PLEKHM2: variants seen among roughly 807,000 people sequenced by gnomAD.
PLEKHM2 encodes pleckstrin homology domain-containing family M member 2.
Under a neutral mutation model 116.3 loss-of-function variants are expected in PLEKHM2, and 77 were observed. The observed-to-expected ratio is 0.66, with a 90% CI of 0.55 to 0.80. PLEKHM2 has a LOEUF of 0.80. Among genes scored for constraint, PLEKHM2 ranks in the 30% least tolerant of loss-of-function variants. The probability of loss-of-function intolerance (pLI) is 0.00; values close to 1 mark genes in which losing one functional copy is unlikely to be tolerated. For synonymous variants in PLEKHM2, 562 were observed against 571.0 expected, an observed-to-expected ratio of 0.98 and a Z score of 0.22; for missense variants, 1,183 against 1,354.9, an observed-to-expected ratio of 0.87 and a Z score of 1.99.
rs766169429 is a variant in PLEKHM2 at position 15,720,149 on chromosome 1, T to TATATAA, written c.652+230_652+231insTATAAA. The stretch of plus-strand genomic sequence containing the variant: ...GAAATTATATATATATATATATATA[T>TATATAA]AAAATATATATTTTTTAAGGTTAGA... On this transcript the variant is annotated intron_variant, in intron 6 of 19. Transcript: ENST00000375799. 4.8e-3 allele frequency among the ~76,000 whole-genome samples: 575 copies of TATATAA among 118,648 alleles called. 1 individual carries two copies. Among genetic ancestry groups the TATATAA allele is most frequent in the Middle Eastern group, 0.012 (3 of 258 alleles). The allele number at this position is 118,648 out of a possible 152,430, so 77.8% of individuals were successfully genotyped here.
intron 1 of PLEKHM2, among the ~76,000 whole-genome samples, chr1:15,710,602 C>G (rs1425937057): frequency 6.6e-6 from 1 of 151,992 alleles, no homozygotes; most frequent in Non-Finnish European, 1.5e-5. Flanking sequence ...GCTGGGATTA[C>G]AGGCGTAAGC....
intron 1 of PLEKHM2, among the ~76,000 whole-genome samples, chr1:15,686,825 ATT>A (rs1640782005): frequency 6.6e-6 from 1 of 151,694 alleles, no homozygotes; most frequent in East Asian, 1.9e-4. Context: ...ATTTTTTTGT[ATT>A]TTTAGTAGAG....
intron 1 of PLEKHM2, among the ~76,000 whole-genome samples, chr1:15,685,994 T>C (rs1003648985): frequency 6.6e-6 from 1 of 152,218 alleles, no homozygotes; most frequent in African/African-American, 2.4e-5. Context: ...TAATCTAATC[T>C]GGGCTGATTG....
intron 1 of PLEKHM2, among the ~76,000 whole-genome samples, chr1:15,687,077 C>T (rs1418409056): frequency 1.3e-5 from 2 of 151,398 alleles, no homozygotes; most frequent in Admixed American, 6.6e-5. Flanking sequence ...CATGAGCCAC[C>T]GTGCCCGACT....
Position 15,728,903 on chromosome 1 carries a change from C to G in PLEKHM2, c.1986+170C>G, listed in dbSNP as rs1000118439. On this transcript the variant is annotated intron_variant, in intron 12 of 19. Transcript: ENST00000375799. The surrounding 1 kb of genome is among the most constrained non-coding windows in gnomAD (Gnocchi z 5.9). ...CACGATGCTGGGGGTAAGAACCAAG[C>G]TTGAGGTTGCCTCTTCCCGTGCTAG... Among the ~76,000 whole-genome samples, 13 of 152,208 alleles carry G rather than the reference C, an allele frequency of 8.5e-5. No homozygotes were observed. Among genetic ancestry groups the G allele is most frequent in the Non-Finnish European group, 1.8e-4 (12 of 68,030 alleles).
At chr1:15,705,726 CG>C (rs2148346277) in intron 1 of PLEKHM2, among the ~76,000 whole-genome samples, 2 of 152,302 alleles carry the variant, frequency 1.3e-5, no homozygotes, top group East Asian at 3.9e-4. Flanking sequence ...TTCCCATTGT[CG>C]GGGCTGCTAG....
chr1:15,683,919 G>A (rs1196199898), upstream of PLEKHM2, among the ~76,000 whole-genome samples: 1 of 149,734 alleles, frequency 6.7e-6, no homozygotes, highest in Non-Finnish European at 1.5e-5. Context: ...GGGCTGACGA[G>A]GCCTGGGGGA....
rs1449327917 is a variant in PLEKHM2 at position 15,725,361 on chromosome 1, T to C, written c.757T>C (p.Ser253Pro). Residue 253 changes from serine to proline, a missense_variant, in exon 8 of 20, where the codon TCC (serine) becomes CCC (proline). Physicochemically the swap from Ser to Pro is moderately conservative, Grantham distance 74 (BLOSUM62 -1). Transcript: ENST00000375799. ...GGTCAGTGGTCCCCGCTCCACAGCC[T>C]CCGACCTGACCAGCAGCAAGGCCTC... ...DTVSGPRSTA[S>P]DLTSSKASTR... The C allele has an allele frequency of 1.3e-6, 2 of 1,551,344 alleles. No homozygotes were observed. The highest frequency in any genetic ancestry group is 1.7e-6 in the Non-Finnish European group (2 of 1,147,052).
At chr1:15,703,299 G>C (rs554732509) in intron 1 of PLEKHM2, among the ~76,000 whole-genome samples, 12 of 152,302 alleles carry the variant, frequency 7.9e-5, no homozygotes, top group Non-Finnish European at 1.6e-4. Flanking sequence ...GCCCCACAGT[G>C]GCCAGGCAGT....
chr1:15,718,742 G>T, intron 5 of PLEKHM2, 117 bp downstream of exon 5: 1 of 668,548 alleles, frequency 1.5e-6, no homozygotes, highest in Non-Finnish European at 2.7e-6. Context: ...GAGTATGACT[G>T]GGCTTGAGCA....
intron 1 of PLEKHM2, among the ~76,000 whole-genome samples, chr1:15,686,671 C>A (rs983137442): frequency 8.1e-5 from 9 of 110,938 alleles, no homozygotes; most frequent in Non-Finnish European, 1.8e-5. Flanking sequence ...TTTTTTGAGA[C>A]GGAGTCTCGC....
At position 15,716,263 on chromosome 1, in the gene PLEKHM2, G is replaced by A. The variant is rs778771137; in HGVS notation, c.87G>A (p.Glu29=). Residue 29 remains glutamate, a synonymous_variant, in exon 2 of 20, where the codon GAG becomes GAA. Coordinates refer to ENST00000375799, the MANE Select transcript of PLEKHM2 (RefSeq NM_015164.4). ...TGCAGAGCTATTTTGCTGCATGTGA[G>A]GATGAGATCCCTGCCATCCGGAACC... The part of the protein sequence containing the change: ...KKLQSYFAAC[E]DEIPAIRNHD... The A allele has an allele frequency of 3.7e-6, 6 of 1,602,268 alleles. No homozygotes were observed. In the African/African-American group the frequency reaches 8.0e-5, roughly 21 times the overall value.
In PLEKHM2 at chr1:15,731,268, C is replaced by T. The variant is rs751828717; in HGVS notation, c.2465+11C>T. The T allele has an allele frequency of 9.6e-6, 15 of 1,564,440 alleles. No homozygotes were observed. Among genetic ancestry groups the T allele is most frequent in the East Asian group, 4.7e-5 (2 of 42,438 alleles). On this transcript the variant is annotated intron_variant, in intron 16 of 19. Coordinates refer to ENST00000375799, the MANE Select transcript of PLEKHM2 (RefSeq NM_015164.4). Reference sequence around the variant, plus strand: ...CTCGGTGAACATGGGGTAAGTGTCCCGGGAGAAGCGGGTGTATCCTGGGGC... The same window carrying T: ...CTCGGTGAACATGGGGTAAGTGTCCTGGGAGAAGCGGGTGTATCCTGGGGC...
chr1:15,725,515 C>G lies in PLEKHM2; in HGVS notation c.911C>G (p.Pro304Arg). Residue 304 changes from proline (P) to arginine (R), a missense_variant, in exon 8 of 20, where the codon CCG becomes CGG. By Grantham distance (103) the Pro-to-Arg change is moderately radical. Coordinates refer to ENST00000375799, the MANE Select transcript of PLEKHM2 (RefSeq NM_015164.4). ...GAGGAGGCCCAGGCCCTGGACCCGC[C>G]GGATGCCTGCACGGAGCTCGAGGTC... is the stretch of plus-strand genomic sequence containing the variant. The part of the protein sequence containing the change: ...EKEEAQALDP[P>R]DACTELEVIR... 1 of 1,573,630 alleles carries G rather than the reference C, an allele frequency of 6.4e-7. No individual in the cohort carries two copies. The highest frequency in any genetic ancestry group is 8.6e-7 in the Non-Finnish European group (1 of 1,160,562).
chr1:15,710,452 C>T (rs1194521177), intron 1 of PLEKHM2, among the ~76,000 whole-genome samples: 3 of 151,068 alleles, frequency 2.0e-5, no homozygotes, highest in Non-Finnish European at 4.4e-5. Flanking sequence ...CTCAGCCTCC[C>T]GAGTAGCTGG....
Position 15,732,707 on chromosome 1 carries a change from T to C in PLEKHM2, c.2901T>C (p.Ser967=). ...ACCGATTGCTGTCTGCACTGAACTC[T>C]GGGTGGAAAACCATCTATCAGGTAC... ...ELDRLLSALN[S]GWKTIYQVDL... The change falls in exon 19 of 20, where the codon TCT becomes TCC. Residue 967 remains serine (S), a synonymous_variant. Transcript: ENST00000375799. 6.2e-7 allele frequency: 1 copy of C among 1,609,072 alleles called. No homozygotes were observed. The highest frequency in any genetic ancestry group is 8.5e-7 in the Non-Finnish European group (1 of 1,177,642).
rs372466688 is a variant in PLEKHM2, at chr1:15,690,074, GT to G, written c.60+5460del. Reference sequence around the variant, plus strand: ...CCCAGCCGAGGTTTTTTTTTTTTTTGTTTTGTTTTTTTGAGACAGTCTTGCT... The same window carrying G: ...CCCAGCCGAGGTTTTTTTTTTTTTTGTTTGTTTTTTTGAGACAGTCTTGCT... On this transcript the variant is annotated intron_variant, in intron 1 of 19. Transcript: ENST00000375799. Among the ~76,000 whole-genome samples the G allele has an allele frequency of 7.5e-3, 1,058 of 141,896 alleles. 9 individuals are homozygous for G. Among genetic ancestry groups the G allele is most frequent in the African/African-American group, 0.025 (1,005 of 39,558 alleles). The allele number at this position is 141,896 out of a possible 152,430, so 93.1% of individuals were successfully genotyped here.
chr1:15,702,938 G>A (rs560948328), intron 1 of PLEKHM2, among the ~76,000 whole-genome samples: 1 of 151,256 alleles, frequency 6.6e-6, no homozygotes, highest in Admixed American at 6.6e-5. Flanking sequence ...ATATTGCCCA[G>A]CTGGTCTCAA....
intron 7 of PLEKHM2, among the ~76,000 whole-genome samples, chr1:15,723,744 CAAAAA>C (rs1056474462): frequency 2.0e-4 from 15 of 76,400 alleles, no homozygotes; most frequent in African/African-American, 5.5e-4. Context: ...GACCCTGTCT[CAAAAA>C]AAAAAAAAAA....
Sources: gnomAD v4.1 joint callset for allele counts (sites outside exome capture counted in the v4.1 genomes callset) on GRCh38, gnomAD v4.1.1 for gene constraint, Gnocchi (gnomAD v3.1) non-coding constraint, MANE v1.5 for transcripts, NCBI Gene and HGNC (gene_info 2026-07-23, HGNC 2026-07-21) for gene names.